The following GOSR1 variants were observed in gnomAD, a reference collection of about 807,000 sequenced individuals.
GOSR1 encodes the protein 28 kDa Golgi SNARE protein.
In GOSR1, 21 loss-of-function variants were observed where a neutral mutation model predicts 35.5. The observed-to-expected ratio is 0.59, with a 90% CI of 0.42 to 0.85. The LOEUF (loss-of-function observed/expected upper bound fraction) is 0.85. Among genes scored for constraint, GOSR1 ranks in the 40% least tolerant of loss-of-function variants. The pLI is 0.00. For missense variants in GOSR1, 285 were observed against 309.6 expected, an observed-to-expected ratio of 0.92 and a Z score of 0.60; for synonymous variants, 94 against 106.6, an observed-to-expected ratio of 0.88 and a Z score of 0.73.
chr17:30,498,916 T>A (rs1003681612), intron 6 of GOSR1, among the ~76,000 whole-genome samples: 1 of 152,200 alleles, frequency 6.6e-6, no homozygotes, highest in African/African-American at 2.4e-5. Flanking sequence ...TTTGGTACGT[T>A]TTAACAAATA....
At chr17:30,481,867 C>T (rs368605317) in intron 2 of GOSR1, among the ~76,000 whole-genome samples, 1 of 151,910 alleles carries the variant, frequency 6.6e-6, no homozygotes, top group African/African-American at 2.4e-5. Context: ...CAGTAGATGA[C>T]GCGTGTAATC....
At chr17:30,480,875 G>C (rs1468177141) in intron 1 of GOSR1, 1 of 264,346 alleles carries the variant, frequency 3.8e-6, no homozygotes, top group Non-Finnish European at 7.6e-6. Flanking sequence ...ACCACACCTG[G>C]CTAATTTTCT....
In GOSR1 at chr17:30,477,474, A is replaced by G; in HGVS notation, c.31+10A>G. On this transcript the variant is annotated intron_variant, in intron 1 of 8. Coordinates refer to ENST00000451249, the MANE Select transcript of GOSR1 (RefSeq NM_001007025.2). ...AGCAGTTACTGGGAAGGTGAGGGCG[A>G]GAAGGCCTCCGGGTGCGTCCTACGA... is the stretch of plus-strand genomic sequence containing the variant. 2 of 1,607,434 alleles carry G rather than the reference A, an allele frequency of 1.2e-6. No individual in the cohort carries two copies. Among genetic ancestry groups the G allele is most frequent in the Non-Finnish European group, 1.7e-6 (2 of 1,176,026 alleles).
At chr17:30,510,529 C>G (rs1967575742) in intron 6 of GOSR1, 2 of 160,970 alleles carry the variant, frequency 1.2e-5, no homozygotes, top group South Asian at 3.5e-4. Context: ...CCCTGGCCAA[C>G]ATGGCGAAAC....
intron 4 of GOSR1, among the ~76,000 whole-genome samples, chr17:30,488,480 T>A (rs916571076): frequency 5.3e-5 from 8 of 151,674 alleles, no homozygotes; most frequent in Admixed American, 1.3e-4. Context: ...TAGTTTTTTT[T>A]AAAATAAAAG....
In GOSR1 at chr17:30,501,175, C is replaced by T. The variant is rs369273771; in HGVS notation, c.509+8422C>T. On this transcript the variant is annotated intron_variant, in intron 6 of 8. Coordinates refer to ENST00000451249, the MANE Select transcript of GOSR1 (RefSeq NM_001007025.2). The stretch of plus-strand genomic sequence containing the variant: ...GATTACAGGCGTGAGCCACCGCGCC[C>T]GGCCACAAAGAACTCTTAAAATTCA... Among the ~76,000 whole-genome samples, 15 of 152,102 alleles carry T rather than the reference C, an allele frequency of 9.9e-5. No individual in the cohort carries two copies. In the East Asian group the frequency reaches 1.5e-3, roughly 16 times the overall value.
chr17:30,510,810 G>T (rs1024893315), intron 6 of GOSR1, 70 bp from the exon 7 acceptor site: 3 of 835,028 alleles, frequency 3.6e-6, no homozygotes, highest in Non-Finnish European at 6.0e-6. Context: ...TATAGATGTA[G>T]AAAAATTAAT....
chr17:30,513,757 C>T lies in GOSR1; in HGVS notation c.539+2848C>T, dbSNP rs73279545. On this transcript the variant is annotated intron_variant, in intron 7 of 8. Coordinates refer to ENST00000451249, the MANE Select transcript of GOSR1 (RefSeq NM_001007025.2). ...CTTGAGGCCAGAAACTCGAGTCAGC[C>T]AGAGCAACATAGTGAGACCCCATCT... Among the ~76,000 whole-genome samples the T allele has an allele frequency of 1.5e-3, 225 of 152,134 alleles. 1 individual carries two copies. The highest frequency in any genetic ancestry group is 5.0e-3 in the African/African-American group (206 of 41,514).
At chr17:30,495,532 T>A in intron 6 of GOSR1, 1 of 428,920 alleles carries the variant, frequency 2.3e-6, no homozygotes, top group South Asian at 1.7e-5. Context: ...TCACCAGGTG[T>A]AGATCAGTCA....
At chr17:30,500,589 A>T (rs893406740) in intron 6 of GOSR1, among the ~76,000 whole-genome samples, 1 of 152,220 alleles carries the variant, frequency 6.6e-6, no homozygotes, top group Non-Finnish European at 1.5e-5. Flanking sequence ...GTTGACCTAC[A>T]GATCCATCCT....
At chr17:30,494,438 G>A (rs1410153660) in intron 6 of GOSR1, among the ~76,000 whole-genome samples, 3 of 151,972 alleles carry the variant, frequency 2.0e-5, no homozygotes, top group African/African-American at 7.3e-5. Context: ...GTTTTTTGCT[G>A]GACTGTTGAT....
chr17:30,481,701 T>A (rs1914363113), intron 2 of GOSR1, among the ~76,000 whole-genome samples: 1 of 152,238 alleles, frequency 6.6e-6, no homozygotes, highest in Non-Finnish European at 1.5e-5. Context: ...TGTATCCTTG[T>A]TATTAATTAT....
chr17:30,519,974 A>G lies in GOSR1; in HGVS notation c.575A>G (p.Gln192Arg). Residue 192 changes from glutamine (Q) to arginine (R), a missense_variant, in exon 8 of 9, where the codon CAG (glutamine) becomes CGG (arginine). This residue lies in a region of GOSR1 where 168 missense variants were observed against 183.2 expected (regional missense o/e 0.92). Transcript: ENST00000451249. ...AMATKENMTS[Q>R]RGMLKSIHSK... Reference sequence around the variant, plus strand: ...GCAACAAAAGAAAATATGACTTCACAGAGAGGAATGTTGAAGTCAATTCAC... The same window carrying G: ...GCAACAAAAGAAAATATGACTTCACGGAGAGGAATGTTGAAGTCAATTCAC... 6.2e-7 allele frequency: 1 copy of G among 1,610,406 alleles called. No homozygotes were observed. Among genetic ancestry groups the G allele is most frequent in the Non-Finnish European group, 8.5e-7 (1 of 1,176,908 alleles).
At chr17:30,508,888 T>C (rs899977850) in intron 6 of GOSR1, among the ~76,000 whole-genome samples, 1 of 152,188 alleles carries the variant, frequency 6.6e-6, no homozygotes, top group African/African-American at 2.4e-5. Context: ...AAGTGGTAGA[T>C]TCAGCATTTA....
In GOSR1 at chr17:30,477,470, G is replaced by A; in HGVS notation, c.31+6G>A. On this transcript the variant is annotated splice_donor_region_variant and intron_variant, in intron 1 of 8. Transcript: ENST00000451249. ...GACCAGCAGTTACTGGGAAGGTGAG[G>A]GCGAGAAGGCCTCCGGGTGCGTCCT... 1 of 1,607,878 alleles carries A rather than the reference G, an allele frequency of 6.2e-7. No homozygotes were observed. The highest frequency in any genetic ancestry group is 8.5e-7 in the Non-Finnish European group (1 of 1,176,406).
intron 7 of GOSR1, among the ~76,000 whole-genome samples, chr17:30,512,785 T>G (rs560971292): frequency 6.6e-6 from 1 of 152,350 alleles, no homozygotes; most frequent in African/African-American, 2.4e-5. Flanking sequence ...TTTTCCTTTA[T>G]TTCCCTTTCT....
At chr17:30,510,798 T>A in intron 6 of GOSR1, 82 bp from the exon 7 acceptor site, 1 of 766,982 alleles carries the variant, frequency 1.3e-6, no homozygotes, top group South Asian at 1.6e-5. Flanking sequence ...GACTAAAAAG[T>A]TTATAGATGT....
At chr17:30,480,460 TG>T (rs1438893446) in intron 1 of GOSR1, among the ~76,000 whole-genome samples, 1 of 152,248 alleles carries the variant, frequency 6.6e-6, no homozygotes, top group Non-Finnish European at 1.5e-5. Context: ...TTGATAATGC[TG>T]GTCATAAACC....
intron 8 of GOSR1, among the ~76,000 whole-genome samples, chr17:30,521,589 A>C (rs988094832): frequency 5.0e-5 from 4 of 80,368 alleles, no homozygotes; most frequent in East Asian, 2.1e-4. Flanking sequence ...GAATGTGTTC[A>C]AAAAAAAAAA....
Sources: allele counts gnomAD v4.1 joint callset (sites outside exome capture counted in the v4.1 genomes callset), GRCh38; gene constraint gnomAD v4.1.1; regional missense constraint gnomAD v4.1.1; transcripts MANE v1.5; gene names NCBI Gene and HGNC (gene_info 2026-07-23, HGNC 2026-07-21).